COG5: variants seen among roughly 807,000 people sequenced by gnomAD.
COG5 encodes component of oligomeric golgi complex 5, also known as conserved oligomeric Golgi complex subunit 5.
In COG5, 86 loss-of-function variants were observed where a neutral mutation model predicts 110.4. The ratio of observed to expected loss-of-function variants is 0.78; its 90% CI spans 0.65 to 0.93. COG5 has a LOEUF of 0.93. Ranked by LOEUF, COG5 falls within the 40% of genes least tolerant of loss-of-function variation. The pLI is 0.00. For synonymous variants in COG5, 360 were observed against 334.6 expected, an observed-to-expected ratio of 1.08 and a Z score of -0.83; for missense variants, 1,077 against 987.0, an observed-to-expected ratio of 1.09 and a Z score of -1.22.
intron 10 of COG5, among the ~76,000 whole-genome samples, chr7:107,337,430 A>T (rs893720663): frequency 6.6e-6 from 1 of 152,268 alleles, no homozygotes; most frequent in Non-Finnish European, 1.5e-5. Flanking sequence ...AACATGACAC[A>T]TATACACAAT....
chr7:107,261,009 T>C (rs1803294843), intron 14 of COG5, among the ~76,000 whole-genome samples: 1 of 152,090 alleles, frequency 6.6e-6, no homozygotes, highest in South Asian at 2.1e-4. Context: ...ACAAGGAGGA[T>C]TGGTTCCAGG....
In COG5 at chr7:107,201,390, C is replaced by G; in HGVS notation, c.*2126G>C. On this transcript the variant is annotated 3_prime_UTR_variant, in exon 22 of 22. Coordinates refer to ENST00000297135, the MANE Select transcript of COG5 (RefSeq NM_006348.5). ...CTATGTATTGATTTGTAAACATTCA[C>G]TGAGTTTAATTTTATTTCCACAGGG... The G allele has an allele frequency of 6.7e-7, 1 of 1,501,326 alleles. No individual in the cohort carries two copies. The highest frequency in any genetic ancestry group is 9.3e-7 in the Non-Finnish European group (1 of 1,079,938). The allele number at this position is 1,501,326 out of a possible 1,614,324, so 93.0% of individuals were successfully genotyped here.
At chr7:107,258,245 G>GT in intron 15 of COG5, 28 bp downstream of exon 15, 2 of 1,360,796 alleles carry the variant, frequency 1.5e-6, no homozygotes, top group South Asian at 1.2e-5. Context: ...TTAAAATTAA[G>GT]TAAAAAAAAA....
chr7:107,284,575 T>C (rs892313697), intron 12 of COG5, among the ~76,000 whole-genome samples: 4 of 152,202 alleles, frequency 2.6e-5, no homozygotes, highest in African/African-American at 7.2e-5. Context: ...TTTATGGAAG[T>C]CCTAAAATCA....
chr7:107,421,282 A>G (rs1043176786), intron 6 of COG5, among the ~76,000 whole-genome samples: 1 of 152,192 alleles, frequency 6.6e-6, no homozygotes, highest in Non-Finnish European at 1.5e-5. Flanking sequence ...ATAACTGTCA[A>G]TATCTCTCCT....
chr7:107,509,128 C>A (rs1049266330), intron 6 of COG5, among the ~76,000 whole-genome samples: 5 of 151,894 alleles, frequency 3.3e-5, no homozygotes, highest in Admixed American at 6.6e-5. Flanking sequence ...GAACCAATGG[C>A]AAAGAAGTTA....
intron 17 of COG5, among the ~76,000 whole-genome samples, chr7:107,242,225 G>C (rs1801699185): frequency 6.6e-6 from 1 of 152,124 alleles, no homozygotes; most frequent in Non-Finnish European, 1.5e-5. Context: ...ACTAATCAAG[G>C]AAACAACCTG....
At chr7:107,208,451 C>T (rs1413549607) in intron 21 of COG5, 6 of 985,144 alleles carry the variant, frequency 6.1e-6, no homozygotes, top group Non-Finnish European at 7.2e-6. Context: ...CAAAAATGAC[C>T]AACTTGTTAA....
intron 6 of COG5, among the ~76,000 whole-genome samples, chr7:107,436,417 A>G (rs1368884443): frequency 2.0e-5 from 3 of 152,134 alleles, no homozygotes; most frequent in East Asian, 1.9e-4. Context: ...CATAGACACA[A>G]TAAGAATGGT....
At chr7:107,548,605 T>C (rs1053228623) in intron 3 of COG5, among the ~76,000 whole-genome samples, 11 of 152,192 alleles carry the variant, frequency 7.2e-5, no homozygotes, top group Admixed American at 6.5e-4. Flanking sequence ...GGAAAAGTTA[T>C]GGACCTAGAT....
intron 11 of COG5, among the ~76,000 whole-genome samples, chr7:107,305,392 C>G (rs1436168342): frequency 1.3e-5 from 2 of 152,110 alleles, no homozygotes; most frequent in Non-Finnish European, 2.9e-5. Flanking sequence ...CCTATATCAC[C>G]CAGATTATGA....
At chr7:107,304,117 T>C (rs919664176) in intron 11 of COG5, among the ~76,000 whole-genome samples, 1 of 152,182 alleles carries the variant, frequency 6.6e-6, no homozygotes, top group Admixed American at 6.5e-5. Context: ...ATTAAGAAAG[T>C]ATGCCTTTGA....
intron 10 of COG5, among the ~76,000 whole-genome samples, chr7:107,357,577 T>C (rs561353074): frequency 6.6e-6 from 1 of 152,330 alleles, no homozygotes; most frequent in South Asian, 2.1e-4. Flanking sequence ...TTTAAGTACA[T>C]GAAATAGGTG....
intron 12 of COG5, among the ~76,000 whole-genome samples, chr7:107,297,748 C>T (rs576031450): frequency 6.6e-5 from 10 of 152,164 alleles, no homozygotes; most frequent in African/African-American, 2.4e-4. Context: ...ATTTATCTCC[C>T]CTGTAGTTTC....
At chr7:107,467,533 G>A (rs938312252) in intron 6 of COG5, among the ~76,000 whole-genome samples, 1 of 151,968 alleles carries the variant, frequency 6.6e-6, no homozygotes, top group African/African-American at 2.4e-5. Context: ...TGTATTTTTT[G>A]TAGAGACAGG....
At chr7:107,469,598 TACAA>T (rs1198553499) in intron 6 of COG5, among the ~76,000 whole-genome samples, 2 of 152,136 alleles carry the variant, frequency 1.3e-5, no homozygotes, top group Non-Finnish European at 2.9e-5. Context: ...ATGACTTGAA[TACAA>T]ACAAACTATT....
chr7:107,432,869 T>C (rs376700505), intron 6 of COG5, among the ~76,000 whole-genome samples: 1 of 151,986 alleles, frequency 6.6e-6, no homozygotes, highest in Non-Finnish European at 1.5e-5. Context: ...GGCATCCAAA[T>C]TGGAAAGGAA....
In COG5 at chr7:107,412,617, C is replaced by G; in HGVS notation, c.554G>C (p.Gly185Ala). The change falls in exon 7 of 22, where the codon GGA becomes GCA. Residue 185 changes from glycine (G) to alanine (A), a missense_variant. Coordinates refer to ENST00000297135, the MANE Select transcript of COG5 (RefSeq NM_006348.5). ...SLNELDYLSQ[G>A]IDLSGIEVIE... ...CACTTCTATTCCAGAAAGATCTATT[C>G]CTTGAGAAAGATAATCTGTTTAAAA... The G allele has an allele frequency of 6.5e-7, 1 of 1,543,320 alleles. No individual in the cohort carries two copies. Among genetic ancestry groups the G allele is most frequent in the Non-Finnish European group, 8.9e-7 (1 of 1,117,778 alleles).
At chr7:107,511,555 A>T (rs530588568) in intron 6 of COG5, among the ~76,000 whole-genome samples, 1 of 152,358 alleles carries the variant, frequency 6.6e-6, no homozygotes, top group East Asian at 1.9e-4. Flanking sequence ...TGAGGCCAGC[A>T]TCATCCTGAT....
Sources: allele counts gnomAD v4.1 joint callset (sites outside exome capture counted in the v4.1 genomes callset), GRCh38; gene constraint gnomAD v4.1.1; transcripts MANE v1.5; gene names NCBI Gene and HGNC (gene_info 2026-07-23, HGNC 2026-07-21).